Variants in FBXO16 observed in about 807,000 individuals in gnomAD.
FBXO16 encodes F-box only protein 16.
FBXO16 carries 31 observed loss-of-function variants against 41.0 expected under a neutral mutation model. That is an observed-to-expected ratio of 0.76 (90% CI 0.57 to 1.02). FBXO16 has a LOEUF of 1.02. Among genes scored for constraint, FBXO16 ranks in the 50% least tolerant of loss-of-function variants. FBXO16 has a pLI of 0.00. For missense variants in FBXO16, 361 were observed against 346.2 expected (o/e 1.04, Z -0.34); for synonymous variants, 133 against 117.8 (o/e 1.13, Z -0.84).
intron 1 of FBXO16, among the ~76,000 whole-genome samples, chr8:28,484,060 A>C (rs965318267): frequency 7.9e-5 from 12 of 152,200 alleles, no homozygotes; most frequent in African/African-American, 2.7e-4. Context: ...ACAGATAGCA[A>C]GTGGTGTAAC....
At chr8:28,459,622 A>AT (rs1315216322) in intron 4 of FBXO16, among the ~76,000 whole-genome samples, 3 of 116,960 alleles carry the variant, frequency 2.6e-5, no homozygotes, top group African/African-American at 3.5e-5. Flanking sequence ...CCCTGTCTCA[A>AT]AAATAATAAT....
intron 6 of FBXO16, among the ~76,000 whole-genome samples, chr8:28,451,157 C>T (rs910367000): frequency 4.6e-5 from 7 of 152,048 alleles, no homozygotes; most frequent in African/African-American, 1.7e-4. Flanking sequence ...AGGAGCTCCA[C>T]CAGGAAACCC....
rs1803546790 is a variant in FBXO16, at chr8:28,483,375, G to A, written c.72C>T (p.Pro24=). The change falls in exon 2 of 9, where the codon CCC becomes CCT. Residue 24 remains proline, a synonymous_variant. Transcript: ENST00000380254. ...KMQTKMSTWT[P]LNHQLLNDRV... is the part of the protein sequence containing the mutation. ...GGTCATTCAATAGCTGATGGTTTAG[G>A]GGTGTCCAGGTGCTCATCTTTGTCT... 1 of 1,613,998 alleles carries A rather than the reference G, an allele frequency of 6.2e-7. No individual in the cohort carries two copies. The highest frequency in any genetic ancestry group is 2.2e-5 in the East Asian group (1 of 44,866).
intron 4 of FBXO16, among the ~76,000 whole-genome samples, chr8:28,460,779 G>T (rs986960709): frequency 1.3e-5 from 2 of 152,038 alleles, no homozygotes; most frequent in Admixed American, 1.3e-4. Flanking sequence ...TATGTTCCCA[G>T]GCTAGAGTAC....
At chr8:28,435,435 A>G (rs1802673914) in intron 7 of FBXO16, among the ~76,000 whole-genome samples, 1 of 151,890 alleles carries the variant, frequency 6.6e-6, no homozygotes. Context: ...CGGCCTCCCA[A>G]AGTGCTGGGG....
chr8:28,467,591 AG>A, intron 3 of FBXO16, among the ~76,000 whole-genome samples: 1 of 152,368 alleles, frequency 6.6e-6, no homozygotes, highest in African/African-American at 2.4e-5. Context: ...AACTATAAAA[AG>A]ATGTGCGCAT....
At chr8:28,455,963 T>C (rs1423411087) in intron 5 of FBXO16, 1 of 152,206 alleles carries the variant, frequency 6.6e-6, no homozygotes, top group Non-Finnish European at 1.5e-5. Context: ...CAGGATTCAT[T>C]GCTGTTTTTT....
At chr8:28,451,110 A>G (rs1163258332) in intron 6 of FBXO16, among the ~76,000 whole-genome samples, 1 of 152,136 alleles carries the variant, frequency 6.6e-6, no homozygotes, top group Admixed American at 6.6e-5. Context: ...GCACTCACCC[A>G]GACTTCTTTC....
intron 3 of FBXO16, among the ~76,000 whole-genome samples, chr8:28,469,250 T>C (rs1454649366): frequency 6.6e-6 from 1 of 151,230 alleles, no homozygotes; most frequent in Non-Finnish European, 1.5e-5. Flanking sequence ...GAGGCGGAGG[T>C]TGTGGTGAGC....
chr8:28,461,140 C>T (rs888953728), intron 4 of FBXO16, among the ~76,000 whole-genome samples: 3 of 149,846 alleles, frequency 2.0e-5, no homozygotes, highest in Non-Finnish European at 4.4e-5. Flanking sequence ...AACTTATTTA[C>T]CCAGTCCCTC....
intron 1 of FBXO16, among the ~76,000 whole-genome samples, chr8:28,487,578 G>A (rs543448017): frequency 6.6e-6 from 1 of 151,852 alleles, no homozygotes; most frequent in African/African-American, 2.4e-5. Context: ...ATTTTTAGTA[G>A]AGATGCGGTT....
chr8:28,486,631 G>C (rs1803607695), intron 1 of FBXO16, among the ~76,000 whole-genome samples: 1 of 151,892 alleles, frequency 6.6e-6, no homozygotes, highest in Non-Finnish European at 1.5e-5. Context: ...GACCAGACTG[G>C]GCAACATCGA....
At chr8:28,442,943 T>C (rs17059088) in intron 7 of FBXO16, among the ~76,000 whole-genome samples, 30,194 of 151,848 alleles carry the variant, frequency 0.2, 3,195 homozygotes, top group South Asian at 0.31. Context: ...CTCTAAGTAA[T>C]GACAGGCAAA....
In FBXO16 at chr8:28,463,738, G is replaced by T. The variant is rs1159625965; in HGVS notation, c.216C>A (p.Phe72Leu). 6.2e-7 allele frequency: 1 copy of T among 1,614,094 alleles called. No homozygotes were observed. The highest frequency in any genetic ancestry group is 8.5e-7 in the Non-Finnish European group (1 of 1,180,032). The change falls in exon 4 of 9, where the codon TTC becomes TTA. Residue 72 changes from phenylalanine to leucine, a missense_variant. Coordinates refer to ENST00000380254, the MANE Select transcript of FBXO16 (RefSeq NM_172366.4). ...TTTTCTCTTGAAGCTTTCGACAGCA[G>T]AACTTTTGCTGGGACAGCGAGCAGC... Reference protein sequence around the residue: ...LERCSLSQQKFCCRKLQEKIP... With the variant: ...LERCSLSQQKLCCRKLQEKIP...
chr8:28,446,114 T>G (rs1332912371), intron 7 of FBXO16, among the ~76,000 whole-genome samples: 2 of 152,056 alleles, frequency 1.3e-5, no homozygotes, highest in African/African-American at 2.4e-5. Context: ...TCGCTGTTTT[T>G]TAATTAGGAA....
intron 3 of FBXO16, among the ~76,000 whole-genome samples, chr8:28,473,022 C>G (rs1015396694): frequency 6.6e-6 from 1 of 152,118 alleles, no homozygotes; most frequent in Non-Finnish European, 1.5e-5. Context: ...CTACTTTATT[C>G]CACAGAAATC....
At chr8:28,459,397 C>T (rs1803087661) in intron 4 of FBXO16, among the ~76,000 whole-genome samples, 1 of 152,034 alleles carries the variant, frequency 6.6e-6, no homozygotes. Flanking sequence ...GCGAGTGGAT[C>T]ACCCGAGGCC....
chr8:28,469,015 T>A (rs191889645), intron 3 of FBXO16, among the ~76,000 whole-genome samples: 3,523 of 151,912 alleles, frequency 0.023, 119 homozygotes, highest in African/African-American at 0.079. Flanking sequence ...TAAAAAAAAA[T>A]TTTTTTATTA....
At chr8:28,447,993 T>A (rs961155236) in intron 6 of FBXO16, among the ~76,000 whole-genome samples, 13 of 151,258 alleles carry the variant, frequency 8.6e-5, no homozygotes, top group Non-Finnish European at 1.6e-4. Context: ...GATTAAACCA[T>A]AAAATGAAAA....
Sources: gnomAD v4.1 joint callset for allele counts (sites outside exome capture counted in the v4.1 genomes callset) on GRCh38, gnomAD v4.1.1 for gene constraint, MANE v1.5 for transcripts, NCBI Gene and HGNC (gene_info 2026-07-23, HGNC 2026-07-21) for gene names.